The following CIMIP5 variants were observed in gnomAD, a reference collection of about 807,000 sequenced individuals.
CIMIP5 encodes uncharacterized protein C2orf50.
chr2:11,133,281 G>A, the CIMIP5 span: 5 of 1,458,806 alleles, frequency 3.4e-6, no homozygotes, highest in Non-Finnish European at 4.5e-6. Flanking sequence ...TCAGGCACAG[G>A]TCTCTCTCTC....
At chr2:11,143,329 T>G in the CIMIP5 span, among the ~76,000 whole-genome samples, 1 of 152,116 alleles carries the variant, frequency 6.6e-6, no homozygotes, top group Non-Finnish European at 1.5e-5. Context: ...AGAGCCATGA[T>G]TCCACTAATG....
At chr2:11,138,563 C>T in the CIMIP5 span, among the ~76,000 whole-genome samples, 1 of 146,534 alleles carries the variant, frequency 6.8e-6, no homozygotes, top group Non-Finnish European at 1.5e-5. Flanking sequence ...GGATCTGTGT[C>T]CCCACCCAAA....
At chr2:11,144,210 T>G in the CIMIP5 span, 1 of 1,082,620 alleles carries the variant, frequency 9.2e-7, no homozygotes, top group Non-Finnish European at 1.3e-6. Flanking sequence ...ACAAGGCAGC[T>G]TGGGTCTGCA....
the CIMIP5 span, chr2:11,140,621 AC>A: frequency 8.1e-7 from 1 of 1,233,308 alleles, no homozygotes; most frequent in Non-Finnish European, 1.2e-6. Flanking sequence ...CATTCAACTA[AC>A]ATTTATTGAA....
At chr2:11,154,092 T>G in the CIMIP5 span, among the ~76,000 whole-genome samples, 1 of 152,112 alleles carries the variant, frequency 6.6e-6, no homozygotes, top group Non-Finnish European at 1.5e-5. Context: ...TCCTCCTGTC[T>G]CAGCCTCCCG....
chr2:11,133,415 G>A, the CIMIP5 span: 1 of 1,611,272 alleles, frequency 6.2e-7, no homozygotes, highest in African/African-American at 1.3e-5. Flanking sequence ...CACCAGCCTC[G>A]GTCTCCCCAG....
chr2:11,154,394 G>A, the CIMIP5 span, among the ~76,000 whole-genome samples: 1 of 152,114 alleles, frequency 6.6e-6, no homozygotes, highest in African/African-American at 2.4e-5. Flanking sequence ...TGAGGCTGGA[G>A]AGAAAGAGCC....
chr2:11,137,684 G>T, the CIMIP5 span, among the ~76,000 whole-genome samples: 1 of 152,142 alleles, frequency 6.6e-6, no homozygotes, highest in African/African-American at 2.4e-5. Context: ...ACAAAAACAG[G>T]TGCATTAACA....
At chr2:11,144,161 A>G in the CIMIP5 span, 3 of 1,474,668 alleles carry the variant, frequency 2.0e-6, no homozygotes, top group Non-Finnish European at 2.7e-6. Context: ...GGGTGGGGAC[A>G]AGAGACCCAG....
chr2:11,137,563 CA>C, the CIMIP5 span, among the ~76,000 whole-genome samples: 10 of 152,232 alleles, frequency 6.6e-5, no homozygotes, highest in Admixed American at 1.3e-4. Flanking sequence ...TATCTTTAAT[CA>C]AAACTCCCAG....
the CIMIP5 span, among the ~76,000 whole-genome samples, chr2:11,147,270 T>G: frequency 6.6e-6 from 1 of 152,224 alleles, no homozygotes; most frequent in Admixed American, 6.5e-5. Context: ...ATCCATCTCA[T>G]GTGTGACTTC....
At chr2:11,142,974 G>C in the CIMIP5 span, among the ~76,000 whole-genome samples, 1 of 152,120 alleles carries the variant, frequency 6.6e-6, no homozygotes, top group Non-Finnish European at 1.5e-5. Context: ...AAAGTGCCAG[G>C]ATTAAAGGCA....
At chr2:11,147,215 C>T in the CIMIP5 span, among the ~76,000 whole-genome samples, 1 of 152,348 alleles carries the variant, frequency 6.6e-6, no homozygotes. Context: ...AAGCCGAACA[C>T]TTCATTCAAT....
chr2:11,143,551 C>G, the CIMIP5 span, among the ~76,000 whole-genome samples: 1 of 147,336 alleles, frequency 6.8e-6, no homozygotes, highest in Admixed American at 6.9e-5. Flanking sequence ...ATGTTATACT[C>G]TTAAGTACAA....
the CIMIP5 span, among the ~76,000 whole-genome samples, chr2:11,137,050 C>T: frequency 6.6e-6 from 1 of 152,222 alleles, no homozygotes; most frequent in African/African-American, 2.4e-5. Context: ...ACACACATAG[C>T]TTAAATTTTC....
At chr2:11,133,293 C>G in the CIMIP5 span, 12 of 1,543,432 alleles carry the variant, frequency 7.8e-6, no homozygotes, top group Admixed American at 2.2e-5. Flanking sequence ...CTCTCTCTCT[C>G]TCTCTCTGAC....
the CIMIP5 span, among the ~76,000 whole-genome samples, chr2:11,151,894 A>T: frequency 2.6e-5 from 4 of 152,206 alleles, no homozygotes; most frequent in Admixed American, 2.6e-4. Context: ...TCAGCCTCCC[A>T]AAGTGCTGGG....
the CIMIP5 span, among the ~76,000 whole-genome samples, chr2:11,151,004 G>C: frequency 7.9e-5 from 12 of 152,162 alleles, no homozygotes; most frequent in African/African-American, 2.7e-4. Context: ...TGAGAGAAAT[G>C]CTTATCTGAT....
At chr2:11,138,749 C>T in the CIMIP5 span, among the ~76,000 whole-genome samples, 4 of 152,074 alleles carry the variant, frequency 2.6e-5, no homozygotes, top group African/African-American at 9.7e-5. Context: ...CTTCTCTCTC[C>T]TTTGCTCCTG....
Sources: gnomAD v4.1 joint callset for allele counts (sites outside exome capture counted in the v4.1 genomes callset) on GRCh38, gnomAD v4.1.1 for gene constraint, MANE v1.5 for transcripts, NCBI Gene and HGNC (gene_info 2026-07-23, HGNC 2026-07-21) for gene names.